The following NUS1 variants were observed in gnomAD, a reference collection of about 807,000 sequenced individuals.
The protein encoded by NUS1 is dehydrodolichyl diphosphate synthase complex subunit NUS1.
For missense variants in NUS1, 292 were observed against 382.9 expected (o/e 0.76, Z 1.98); for synonymous variants, 135 against 155.2 (o/e 0.87, Z 0.97).
At chr6:117,687,689 A>C (rs1773160413) in intron 1 of NUS1, among the ~76,000 whole-genome samples, 1 of 152,312 alleles carries the variant, frequency 6.6e-6, no homozygotes, top group South Asian at 2.1e-4. Context: ...ATTTGTGGGG[A>C]TAAAGTATTA....
chr6:117,690,571 T>A (rs975497305), intron 1 of NUS1, among the ~76,000 whole-genome samples: 7 of 152,174 alleles, frequency 4.6e-5, no homozygotes, highest in Admixed American at 3.3e-4. Context: ...TCTTTTGAAC[T>A]CCTTCTGTGT....
At chr6:117,705,102 G>C (rs1773480958) in intron 4 of NUS1, among the ~76,000 whole-genome samples, 1 of 152,154 alleles carries the variant, frequency 6.6e-6, no homozygotes. Context: ...AGTTGGAAAG[G>C]ACTCTAAATC....
Position 117,694,055 on chromosome 6 carries a change from A to G in NUS1, c.566A>G (p.Lys189Arg). 3 of 1,609,308 alleles carry G rather than the reference A, an allele frequency of 1.9e-6. No homozygotes were observed. Among genetic ancestry groups the G allele is most frequent in the Non-Finnish European group, 1.7e-6 (2 of 1,178,094 alleles). Reference protein sequence around the residue: ...DQVLNCHLAVKVLSPEDGKAD... With the variant: ...DQVLNCHLAVRVLSPEDGKAD... Reference sequence around the variant, plus strand: ...GTTTTAAATTGCCATTTGGCAGTGAAGGTGCTGTCTCCGGAAGATGGAAAA... The same window carrying G: ...GTTTTAAATTGCCATTTGGCAGTGAGGGTGCTGTCTCCGGAAGATGGAAAA... The change falls in exon 3 of 5, where the codon AAG (lysine) becomes AGG (arginine). Residue 189 changes from lysine to arginine, a missense_variant. Physicochemically the swap from Lys to Arg is conservative, Grantham distance 26 (BLOSUM62 2). Coordinates refer to ENST00000368494, the MANE Select transcript of NUS1 (RefSeq NM_138459.5).
chr6:117,710,272 A>G lies in NUS1; in HGVS notation c.*3257A>G, dbSNP rs576720130. The stretch of plus-strand genomic sequence containing the variant: ...TTTTTGTGCATAGTTTTCATCTAAA[A>G]TTAAGTTTACCAAAGGCAAATAACT... On this transcript the variant is annotated 3_prime_UTR_variant, in exon 5 of 5. Coordinates refer to ENST00000368494, the MANE Select transcript of NUS1 (RefSeq NM_138459.5). 1 of 152,280 alleles carries G rather than the reference A, an allele frequency of 6.6e-6. No individual in the cohort carries two copies. The highest frequency in any genetic ancestry group is 2.4e-5 in the African/African-American group (1 of 41,568). The allele number at this position is 152,280 out of a possible 1,614,324, so 9.4% of individuals were successfully genotyped here.
At chr6:117,699,139 G>A (rs534304831) in intron 3 of NUS1, among the ~76,000 whole-genome samples, 4 of 152,130 alleles carry the variant, frequency 2.6e-5, no homozygotes, top group Non-Finnish European at 4.4e-5. Flanking sequence ...TAGCACTGGC[G>A]GTCCTAGCTA....
intron 1 of NUS1, among the ~76,000 whole-genome samples, chr6:117,690,617 T>C (rs1773201397): frequency 6.6e-6 from 1 of 152,188 alleles, no homozygotes; most frequent in Non-Finnish European, 1.5e-5. Context: ...AATCCTCACC[T>C]AAATTTTCTA....
At chr6:117,678,409 C>G (rs1179403338) in intron 1 of NUS1, among the ~76,000 whole-genome samples, 1 of 152,138 alleles carries the variant, frequency 6.6e-6, no homozygotes, top group South Asian at 2.1e-4. Context: ...GCAGTGTACT[C>G]ATGGAACTTA....
At chr6:117,684,686 A>T (rs1326874732) in intron 1 of NUS1, among the ~76,000 whole-genome samples, 1 of 152,204 alleles carries the variant, frequency 6.6e-6, no homozygotes, top group African/African-American at 2.4e-5. Context: ...TGGTGTCCAT[A>T]TGATACTCTA....
intron 4 of NUS1, among the ~76,000 whole-genome samples, 190 bp from the exon 5 acceptor site, chr6:117,706,735 C>G (rs549288605): frequency 3.2e-4 from 48 of 152,260 alleles, no homozygotes; most frequent in African/African-American, 1.1e-3. Context: ...CCAGTCAGTT[C>G]TGTCAGGGCC....
At chr6:117,694,333 G>A (rs1773286048) in intron 3 of NUS1, among the ~76,000 whole-genome samples, 153 bp downstream of exon 3, 1 of 151,988 alleles carries the variant, frequency 6.6e-6, no homozygotes, top group Non-Finnish European at 1.5e-5. Context: ...TTAAATTTCT[G>A]AAATTTAAAG....
intron 1 of NUS1, among the ~76,000 whole-genome samples, chr6:117,685,224 T>A (rs996162466): frequency 1.3e-5 from 2 of 152,256 alleles, no homozygotes; most frequent in Admixed American, 6.5e-5. Context: ...ATAATATTCT[T>A]CTTTCACGGA....
intron 1 of NUS1, 57 bp downstream of exon 1, chr6:117,676,142 T>C: frequency 6.5e-7 from 1 of 1,547,524 alleles, no homozygotes; most frequent in East Asian, 2.4e-5. Context: ...GCTAGACCGC[T>C]GGTCTGGCGG....
chr6:117,688,647 C>T (rs986495448), intron 1 of NUS1, among the ~76,000 whole-genome samples: 3 of 152,098 alleles, frequency 2.0e-5, no homozygotes, highest in East Asian at 1.9e-4. Context: ...ATAAGTGTTC[C>T]GAGAGCTAGC....
intron 1 of NUS1, among the ~76,000 whole-genome samples, chr6:117,678,070 A>G (rs1044439144): frequency 6.6e-6 from 1 of 152,224 alleles, no homozygotes; most frequent in Non-Finnish European, 1.5e-5. Context: ...CTGTGTTTAA[A>G]TTGCTGATGT....
chr6:117,697,545 C>CG (rs1554202271), intron 3 of NUS1, among the ~76,000 whole-genome samples: 2 of 151,894 alleles, frequency 1.3e-5, no homozygotes, highest in African/African-American at 2.4e-5. Context: ...GACAAAAACT[C>CG]TAAGAAGAGA....
chr6:117,689,544 T>TG (rs991686113), intron 1 of NUS1, among the ~76,000 whole-genome samples: 23 of 151,674 alleles, frequency 1.5e-4, no homozygotes, highest in African/African-American at 5.6e-4. Flanking sequence ...TTTACATTTT[T>TG]TTTTGTTTTG....
At chr6:117,676,841 G>A (rs1772991044) in intron 1 of NUS1, among the ~76,000 whole-genome samples, 2 of 152,194 alleles carry the variant, frequency 1.3e-5, no homozygotes, top group Admixed American at 1.3e-4. Context: ...TTCTTAAGTC[G>A]CAGTGAGGCT....
chr6:117,698,181 TCAGAG>T (rs1773348556), intron 3 of NUS1, among the ~76,000 whole-genome samples: 1 of 151,704 alleles, frequency 6.6e-6, no homozygotes, highest in Non-Finnish European at 1.5e-5. Flanking sequence ...GTTTAAAAGA[TCAGAG>T]CAGAAATGAA....
intron 2 of NUS1, among the ~76,000 whole-genome samples, chr6:117,693,768 G>T (rs567730197): frequency 6.6e-6 from 1 of 152,268 alleles, no homozygotes; most frequent in East Asian, 1.9e-4. Context: ...AGAGGATGTA[G>T]TCACAATGTA....
Sources: gnomAD v4.1 joint callset for allele counts (sites outside exome capture counted in the v4.1 genomes callset) on GRCh38, gnomAD v4.1.1 for gene constraint, MANE v1.5 for transcripts, NCBI Gene and HGNC (gene_info 2026-07-23, HGNC 2026-07-21) for gene names.